The following DROSHA variants were observed in gnomAD, a reference collection of about 807,000 sequenced individuals.
DROSHA encodes the protein ribonuclease 3.
In DROSHA, 56 loss-of-function variants were observed where a neutral mutation model predicts 181.9. That is an observed-to-expected ratio of 0.31 (90% CI 0.25 to 0.38). The LOEUF (loss-of-function observed/expected upper bound fraction) is 0.38. Ranked by LOEUF, DROSHA falls within the 10% of genes least tolerant of loss-of-function variation. The probability of loss-of-function intolerance (pLI) is 1.00; values close to 1 mark genes in which losing one functional copy is unlikely to be tolerated. For missense variants in DROSHA, 1,218 were observed against 1,743.5 expected (o/e 0.70, Z 5.37); for synonymous variants, 524 against 591.2 (o/e 0.89, Z 1.65).
chr5:31,495,510 G>A, intron 11 of DROSHA, 138 bp from the exon 12 acceptor site: 1 of 796,206 alleles, frequency 1.3e-6, no homozygotes, highest in Non-Finnish European at 1.9e-6. Flanking sequence ...GGAAAGAACA[G>A]TATTGGCTTT....
At chr5:31,416,477 T>C (rs1741966580) in intron 30 of DROSHA, among the ~76,000 whole-genome samples, 1 of 150,836 alleles carries the variant, frequency 6.6e-6, no homozygotes, top group African/African-American at 2.5e-5. Context: ...TCTAGTCCAT[T>C]GGGGTAGGCA....
At position 31,511,531 on chromosome 5, in the gene DROSHA, C is replaced by T. The variant is rs149267612; in HGVS notation, c.1291-355G>A. Among the ~76,000 whole-genome samples the T allele has an allele frequency of 2.6e-4, 39 of 152,054 alleles. No homozygotes were observed. In the East Asian group the frequency reaches 5.6e-3, roughly 22 times the overall value. On this transcript the variant is annotated intron_variant, in intron 8 of 35. Transcript: ENST00000344624. ...GACCAGCCTGGGCAACATAGCAAGA[C>T]CCCACCTCTATGAAAAAGAAAAAAA...
rs1257594254 is a variant in DROSHA, at chr5:31,422,842, G to A, written c.3364C>T (p.Arg1122Ter). ...AATGTGAATGCCCTTGCCAGAAGTC[G>A]AACATGAGTAAAAATTACTCCAATT... is the stretch of plus-strand genomic sequence containing the variant. Reference protein sequence around the residue: ...EAIGVIFTHVRLLARAFTLRT... With the variant: ...EAIGVIFTHV Residue 1122 changes from arginine (R) to a stop codon, truncating the protein, a stop_gained, in exon 29 of 36, where the codon CGA becomes TGA. Coordinates refer to ENST00000344624, the MANE Select transcript of DROSHA (RefSeq NM_001382508.1). LOFTEE classifies it high-confidence loss of function. The A allele has an allele frequency of 1.2e-6, 2 of 1,613,652 alleles. No homozygotes were observed. The highest frequency in any genetic ancestry group is 1.7e-6 in the Non-Finnish European group (2 of 1,179,758).
intron 26 of DROSHA, among the ~76,000 whole-genome samples, chr5:31,431,072 G>A (rs1465823854): frequency 6.6e-6 from 1 of 152,196 alleles, no homozygotes; most frequent in African/African-American, 2.4e-5. Context: ...GGAGTGAAAT[G>A]TCAACATCAG....
intron 5 of DROSHA, among the ~76,000 whole-genome samples, chr5:31,523,453 G>C (rs1293781670): frequency 6.6e-6 from 1 of 152,162 alleles, no homozygotes; most frequent in African/African-American, 2.4e-5. Context: ...ATAACTCCAA[G>C]TTGAAGCCTT....
chr5:31,413,339 CTCA>C (rs1301018055), intron 30 of DROSHA, among the ~76,000 whole-genome samples: 6 of 152,324 alleles, frequency 3.9e-5, no homozygotes, highest in East Asian at 1.9e-4. Flanking sequence ...CATCCATATT[CTCA>C]TCGTCAGTTT....
At chr5:31,429,577 G>C (rs1312804187) in intron 26 of DROSHA, 32 bp from the exon 27 acceptor site, 2 of 1,586,376 alleles carry the variant, frequency 1.3e-6, no homozygotes, top group Non-Finnish European at 8.6e-7. Flanking sequence ...CCAAAAGAGA[G>C]TCTCCATCAA....
chr5:31,474,964 T>C (rs908735487), intron 16 of DROSHA, among the ~76,000 whole-genome samples: 5 of 152,218 alleles, frequency 3.3e-5, no homozygotes, highest in Non-Finnish European at 7.3e-5. Context: ...ATAATGTTTT[T>C]GTTAGTACAG....
intron 13 of DROSHA, among the ~76,000 whole-genome samples, chr5:31,487,032 G>A (rs886425126): frequency 1.3e-5 from 2 of 152,110 alleles, no homozygotes; most frequent in African/African-American, 4.8e-5. Flanking sequence ...TTAAGCAAAG[G>A]CAATTGTGGT....
chr5:31,405,767 CTTTTTTTTTTT>C lies in DROSHA; in HGVS notation c.3948-55_3948-45del, dbSNP rs67380927. The C allele has an allele frequency of 7.6e-3, 3,547 of 469,308 alleles. 16 individuals are homozygous for C. Among genetic ancestry groups the C allele is most frequent in the Non-Finnish European group, 8.3e-3 (2,603 of 313,946 alleles). The allele number at this position is 469,308 out of a possible 1,614,324, so 29.1% of individuals were successfully genotyped here. A position where few individuals can be genotyped will look rare whatever the true frequency, so the allele number is the denominator to read the frequency against. ...TAAGACATACTTTAATTTCAAGATT[CTTTTTTTTTTT>C]TTTTTTTTTTTTTCAAAAAATGCAA... On this transcript the variant is annotated intron_variant, in intron 34 of 35. Coordinates refer to ENST00000344624, the MANE Select transcript of DROSHA (RefSeq NM_001382508.1).
intron 24 of DROSHA, among the ~76,000 whole-genome samples, chr5:31,436,538 A>G (rs1173135340): frequency 6.6e-6 from 1 of 152,024 alleles, no homozygotes; most frequent in African/African-American, 2.4e-5. Context: ...GACTACAGGC[A>G]TGCACCATCA....
rs1350435519 is a variant in DROSHA, at chr5:31,401,314, GTATTT to G, written c.*113_*117del. The G allele has an allele frequency of 7.4e-7, 1 of 1,344,032 alleles. No individual in the cohort carries two copies. The allele number at this position is 1,344,032 out of a possible 1,614,324, so 83.3% of individuals were successfully genotyped here. A position where few individuals can be genotyped will look rare whatever the true frequency, so the allele number is the denominator to read the frequency against. Reference sequence around the variant, plus strand: ...AAAACAACAATAGCGATTTGACTCTGTATTTTATTTCAATGAGCACACTTCATTCA... The same window carrying G: ...AAAACAACAATAGCGATTTGACTCTGTATTTCAATGAGCACACTTCATTCA... On this transcript the variant is annotated 3_prime_UTR_variant, in exon 36 of 36. Coordinates refer to ENST00000344624, the MANE Select transcript of DROSHA (RefSeq NM_001382508.1).
chr5:31,454,794 G>C (rs938338862), intron 20 of DROSHA, among the ~76,000 whole-genome samples: 2 of 151,908 alleles, frequency 1.3e-5, no homozygotes, highest in African/African-American at 4.8e-5. Context: ...CAAAAAATTA[G>C]CCGGGTGTGG....
chr5:31,405,414 A>G (rs1215341238), intron 35 of DROSHA, among the ~76,000 whole-genome samples: 2 of 151,918 alleles, frequency 1.3e-5, no homozygotes, highest in African/African-American at 4.8e-5. Flanking sequence ...CAGGCAGTTC[A>G]CACAGGTCAC....
At chr5:31,481,359 A>G (rs1212473069) in intron 16 of DROSHA, among the ~76,000 whole-genome samples, 1 of 152,338 alleles carries the variant, frequency 6.6e-6, no homozygotes, top group East Asian at 1.9e-4. Flanking sequence ...GAGAGTTGAA[A>G]TCTCACAAAG....
intron 11 of DROSHA, among the ~76,000 whole-genome samples, chr5:31,503,171 C>A (rs377509967): frequency 2.0e-5 from 3 of 152,082 alleles, no homozygotes; most frequent in African/African-American, 7.2e-5. Context: ...TCCTTAGCCA[C>A]CCCAGAGCAA....
intron 5 of DROSHA, among the ~76,000 whole-genome samples, chr5:31,525,461 G>A (rs1462588544): frequency 2.3e-5 from 3 of 129,382 alleles, no homozygotes; most frequent in Admixed American, 1.9e-4. Flanking sequence ...CTGAGATCTC[G>A]CCATTGCACT....
At chr5:31,481,770 C>G (rs1024781502) in intron 16 of DROSHA, among the ~76,000 whole-genome samples, 2 of 152,118 alleles carry the variant, frequency 1.3e-5, no homozygotes, top group African/African-American at 4.8e-5. Flanking sequence ...CTAAACCAGA[C>G]AGAGTAGACA....
intron 17 of DROSHA, among the ~76,000 whole-genome samples, chr5:31,469,350 C>G (rs1172764141): frequency 6.6e-6 from 1 of 151,752 alleles, no homozygotes; most frequent in Non-Finnish European, 1.5e-5. Context: ...GAGTGAGACT[C>G]TGTCTCAAAA....
Sources: allele counts gnomAD v4.1 joint callset (sites outside exome capture counted in the v4.1 genomes callset), GRCh38; gene constraint gnomAD v4.1.1; transcripts MANE v1.5; gene names NCBI Gene and HGNC (gene_info 2026-07-23, HGNC 2026-07-21).